PAK3: variants seen among roughly 807,000 people sequenced by gnomAD.
PAK3 encodes p21 (RAC1) activated kinase 3.
Under a neutral mutation model 41.0 loss-of-function variants are expected in PAK3, and 4 were observed. That is an observed-to-expected ratio of 0.10 (90% CI 0.05 to 0.22). PAK3 has a LOEUF of 0.22. PAK3 is among the 10% of genes least tolerant of loss of function. The pLI, the probability that PAK3 is intolerant of heterozygous loss-of-function variation, is 1.00. For missense variants in PAK3, 205 were observed against 409.9 expected (o/e 0.50, Z 4.32); for synonymous variants, 146 against 139.6 (o/e 1.05, Z -0.32).
chrX:111,095,775 ACCGTTTTTTCCC>A (rs770723852), upstream of PAK3, among the ~76,000 whole-genome samples: 21 of 111,144 alleles, frequency 1.9e-4, no homozygotes, highest in Non-Finnish European at 3.4e-4. Context: ...CCAAATCGAA[ACCGTTTTTTCCC>A]CCGAATAAAG....
intron 1 of PAK3, among the ~76,000 whole-genome samples, chrX:111,066,475 A>G (rs772388335): frequency 1.8e-5 from 2 of 112,139 alleles, no homozygotes; most frequent in South Asian, 7.4e-4. Flanking sequence ...GACACTTGCT[A>G]TGGCCAAGCA....
chrX:111,192,977 A>G (rs2149319311), intron 13 of PAK3, among the ~76,000 whole-genome samples: 1 of 112,142 alleles, frequency 8.9e-6, no homozygotes, highest in East Asian at 2.8e-4. Flanking sequence ...GGCTGACTAC[A>G]ATGGCTTTAA....
intron 7 of PAK3, among the ~76,000 whole-genome samples, chrX:111,151,860 CT>C (rs2149133416): frequency 8.9e-6 from 1 of 112,015 alleles, no homozygotes; most frequent in East Asian, 2.8e-4. Context: ...GATAACCAAA[CT>C]GGCTATTAAG....
At chrX:111,164,410 C>T (rs1057095250) in intron 10 of PAK3, among the ~76,000 whole-genome samples, 59 of 109,368 alleles carry the variant, frequency 5.4e-4, no homozygotes, top group African/African-American at 1.8e-3. Context: ...GCAATAAGTG[C>T]CCCCCCCAAC....
At position 111,224,761 on chromosome X, in the gene PAK3, G is replaced by A. The variant is rs907879980; in HGVS notation, c.*4314G>A. ...AACTCACCAAAGAAATTTTAGGTGA[G>A]AACTTTAATAATGAGGTAGTCACCT... On this transcript the variant is annotated 3_prime_UTR_variant, in exon 18 of 18. Coordinates refer to ENST00000372007, the MANE Select transcript of PAK3 (RefSeq NM_002578.5). The A allele has an allele frequency of 8.9e-6, 1 of 111,965 alleles. No individual in the cohort carries two copies. The highest frequency in any genetic ancestry group is 1.9e-5 in the Non-Finnish European group (1 of 53,202). The allele number at this position is 111,965 out of a possible 1,213,427, so 9.2% of individuals were successfully genotyped here.
chrX:111,028,413 G>T (rs1242946570), intron 1 of PAK3, among the ~76,000 whole-genome samples: 1 of 110,706 alleles, frequency 9.0e-6, no homozygotes, highest in Non-Finnish European at 1.9e-5. Context: ...TTAAAAAAGT[G>T]AATGTATTTA....
chrX:111,202,362 G>A (rs1353952445), intron 16 of PAK3, among the ~76,000 whole-genome samples: 1 of 111,117 alleles, frequency 9.0e-6, no homozygotes, highest in African/African-American at 3.3e-5. Flanking sequence ...TCCAGAGAGA[G>A]AGGACACAAG....
intron 11 of PAK3, among the ~76,000 whole-genome samples, chrX:111,174,275 A>G (rs10521532): frequency 0.1 from 11,410 of 110,707 alleles, 1,406 homozygotes; most frequent in African/African-American, 0.34. Context: ...ATCTCAGGAA[A>G]TAAGGGAAAG....
intron 1 of PAK3, among the ~76,000 whole-genome samples, chrX:111,022,570 A>C (rs932739608): frequency 9.0e-6 from 1 of 111,567 alleles, no homozygotes; most frequent in Non-Finnish European, 1.9e-5. Flanking sequence ...AACAAAATAG[A>C]ACCTCCTTAA....
intron 7 of PAK3, among the ~76,000 whole-genome samples, chrX:111,152,106 T>G (rs1361226139): frequency 7.1e-5 from 8 of 112,499 alleles, no homozygotes; most frequent in Admixed American, 6.6e-4. Context: ...GGGACTACTA[T>G]AGATGTACAG....
intron 1 of PAK3, among the ~76,000 whole-genome samples, chrX:111,071,772 G>A (rs2092746940): frequency 3.6e-5 from 4 of 112,030 alleles, no homozygotes; most frequent in Non-Finnish European, 7.5e-5. Flanking sequence ...AAGTCCACAT[G>A]TTCCAGCCAG....
intron 4 of PAK3, among the ~76,000 whole-genome samples, chrX:111,105,370 T>A (rs181699822): frequency 9.0e-6 from 1 of 111,385 alleles, no homozygotes; most frequent in Admixed American, 9.5e-5. Flanking sequence ...TCATACATAC[T>A]CTATACACAA....
intron 1 of PAK3, among the ~76,000 whole-genome samples, chrX:111,031,246 G>C (rs1046546019): frequency 7.2e-5 from 8 of 111,799 alleles, no homozygotes; most frequent in Non-Finnish European, 1.3e-4. Context: ...AGTAGGTAGA[G>C]AGAGCTAGGC....
intron 5 of PAK3, among the ~76,000 whole-genome samples, chrX:111,136,431 CAA>C (rs2093790730): frequency 9.0e-6 from 1 of 111,360 alleles, no homozygotes; most frequent in Non-Finnish European, 1.9e-5. Context: ...AACAAGAAGT[CAA>C]AGAGTGAAAT....
At chrX:111,206,508 T>G (rs990256912) in intron 16 of PAK3, among the ~76,000 whole-genome samples, 3 of 112,503 alleles carry the variant, frequency 2.7e-5, no homozygotes, top group South Asian at 3.7e-4. Flanking sequence ...ACATTTAAGC[T>G]AGGCTAACAG....
At chrX:110,984,228 T>C (rs2091500123) in intron 1 of PAK3, among the ~76,000 whole-genome samples, 1 of 112,185 alleles carries the variant, frequency 8.9e-6, no homozygotes, top group African/African-American at 3.2e-5. Flanking sequence ...CATTCTGGGC[T>C]TCTTGGCTCT....
intron 16 of PAK3, among the ~76,000 whole-genome samples, chrX:111,215,695 A>G (rs1029503471): frequency 1.8e-5 from 2 of 112,383 alleles, no homozygotes; most frequent in Admixed American, 1.9e-4. Flanking sequence ...TCAGAGAAAT[A>G]TACAATTATT....
chrX:111,167,814 G>C (rs1371062956), intron 10 of PAK3, among the ~76,000 whole-genome samples: 1 of 110,769 alleles, frequency 9.0e-6, no homozygotes, highest in Admixed American at 9.6e-5. Flanking sequence ...CATGGCACCT[G>C]TATATCTGTG....
chrX:111,004,014 T>C (rs1322888939), intron 1 of PAK3, among the ~76,000 whole-genome samples: 1 of 111,759 alleles, frequency 8.9e-6, no homozygotes, highest in Non-Finnish European at 1.9e-5. Context: ...TCATATTGGG[T>C]TGGGAGAAAG....
Sources: allele counts gnomAD v4.1 joint callset (sites outside exome capture counted in the v4.1 genomes callset), GRCh38; gene constraint gnomAD v4.1.1; transcripts MANE v1.5; gene names NCBI Gene and HGNC (gene_info 2026-07-23, HGNC 2026-07-21).